ABHD2: variants seen among roughly 807,000 people sequenced by gnomAD.
ABHD2 encodes abhydrolase domain containing 2, acylglycerol lipase, also known as monoacylglycerol lipase ABHD2.
A neutral mutation model predicts 48.1 loss-of-function variants in ABHD2; 20 were observed. The ratio of observed to expected loss-of-function variants is 0.42; its 90% CI spans 0.29 to 0.60. The LOEUF (loss-of-function observed/expected upper bound fraction) is 0.60. Ranked by LOEUF, ABHD2 falls within the 20% of genes least tolerant of loss-of-function variation. ABHD2 has a pLI of 0.24. For missense variants in ABHD2, 405 were observed against 550.9 expected (o/e 0.74, Z 2.65); for synonymous variants, 209 against 214.2 (o/e 0.98, Z 0.21).
chr15:89,151,115 C>T lies in ABHD2; in HGVS notation c.195-562C>T, dbSNP rs1358955307. On this transcript the variant is annotated intron_variant, in intron 3 of 10. Transcript: ENST00000352732. The surrounding 1 kb of genome is among the most constrained non-coding windows in gnomAD (Gnocchi z 4.7). ...CACTGCACTGCCCTTACAGCATATT[C>T]TCTGGAGCATAGAGTAGTGCCCTCA... is the stretch of plus-strand genomic sequence containing the variant. Among the ~76,000 whole-genome samples, 1 of 152,220 alleles carries T rather than the reference C, an allele frequency of 6.6e-6. No homozygotes were observed. Among genetic ancestry groups the T allele is most frequent in the Non-Finnish European group, 1.5e-5 (1 of 68,044 alleles).
the ABHD2 span, among the ~76,000 whole-genome samples, chr15:89,048,950 G>C: frequency 2.0e-5 from 3 of 149,072 alleles, no homozygotes; most frequent in African/African-American, 7.6e-5. Flanking sequence ...CTTTGGAGGA[G>C]GTGAGGCGCT....
chr15:89,049,173 TG>T, the ABHD2 span, among the ~76,000 whole-genome samples: 1 of 152,160 alleles, frequency 6.6e-6, no homozygotes, highest in Non-Finnish European at 1.5e-5. Flanking sequence ...CTGCCCCTGC[TG>T]GGGGGTGCCT....
intron 5 of ABHD2, among the ~76,000 whole-genome samples, chr15:89,169,687 C>A (rs1014312594): frequency 6.6e-6 from 1 of 152,178 alleles, no homozygotes; most frequent in Non-Finnish European, 1.5e-5. Context: ...AACCATTGCT[C>A]CAGCATGAGT....
Position 89,155,467 on chromosome 15 carries a change from C to G in ABHD2, c.471C>G (p.Cys157Trp), listed in dbSNP as rs559362885. Residue 157 changes from cysteine (C) to tryptophan (W), a missense_variant, in exon 5 of 11, where the codon TGC becomes TGG. Transcript: ENST00000352732. The surrounding 1 kb of genome is among the most constrained non-coding windows in gnomAD (Gnocchi z 4.9). ...VDYAQKNGYR[C>W]AVLNHLGALP... ...ACGCCCAGAAAAATGGCTATCGGTG[C>G]GCCGTGCTGAACCACCTGGGTGCCC... 1.2e-6 allele frequency: 2 copies of G among 1,614,134 alleles called. No individual in the cohort carries two copies. Among genetic ancestry groups the G allele is most frequent in the Non-Finnish European group, 1.7e-6 (2 of 1,180,008 alleles).
rs1266945195 is a variant in ABHD2 at position 89,175,425 on chromosome 15, C to A, written c.539-387C>A. On this transcript the variant is annotated intron_variant, in intron 5 of 10. Transcript: ENST00000352732. The surrounding 1 kb of genome is among the most constrained non-coding windows in gnomAD (Gnocchi z 5.7). ...CACCATTTTGTCCAGGCTGGCCTAG[C>A]TTTTATTTAGGTCTGTGTGTGAGCA... 6.6e-6 allele frequency among the ~76,000 whole-genome samples: 1 copy of A among 152,138 alleles called. No homozygotes were observed. Among genetic ancestry groups the A allele is most frequent in the Non-Finnish European group, 1.5e-5 (1 of 68,018 alleles).
chr15:89,107,945 T>G (rs2049812779), intron 1 of ABHD2, among the ~76,000 whole-genome samples: 1 of 152,226 alleles, frequency 6.6e-6, no homozygotes, highest in African/African-American at 2.4e-5. Flanking sequence ...AAAGGATGGT[T>G]CTGATAGCTG....
At chr15:89,058,128 C>T in the ABHD2 span, among the ~76,000 whole-genome samples, 1 of 152,160 alleles carries the variant, frequency 6.6e-6, no homozygotes, top group Admixed American at 6.5e-5. Context: ...AGGTAGATAC[C>T]TTCATAACCA....
chr15:89,201,352 G>A lies in ABHD2; in HGVS notation c.*5929G>A, dbSNP rs755375705. 50 of 1,041,012 alleles carry A rather than the reference G, an allele frequency of 4.8e-5. No homozygotes were observed. The highest frequency in any genetic ancestry group is 6.8e-5 in the Non-Finnish European group (46 of 673,206). The allele number at this position is 1,041,012 out of a possible 1,614,324, so 64.5% of individuals were successfully genotyped here. A position where few individuals can be genotyped will look rare whatever the true frequency, so the allele number is the denominator to read the frequency against. On this transcript the variant is annotated 3_prime_UTR_variant, in exon 11 of 11. Transcript: ENST00000352732. Reference sequence around the variant, plus strand: ...CACTGTGTGGTTGTGGCGTGGGCCCGTCTTGCTTAGATGCATTCAGTGGGA... The same window carrying A: ...CACTGTGTGGTTGTGGCGTGGGCCCATCTTGCTTAGATGCATTCAGTGGGA...
the ABHD2 span, among the ~76,000 whole-genome samples, chr15:89,062,347 C>T: frequency 4.1e-5 from 6 of 148,038 alleles, no homozygotes; most frequent in Non-Finnish European, 9.0e-5. Context: ...AATTGATTTT[C>T]GTTTGTTTTT....
chr15:89,155,428 C>T lies in ABHD2; in HGVS notation c.432C>T (p.Arg144=). The T allele has an allele frequency of 6.2e-7, 1 of 1,614,214 alleles. No homozygotes were observed. The highest frequency in any genetic ancestry group is 8.5e-7 in the Non-Finnish European group (1 of 1,180,038). ...IANHSEKQYI[R]TFVDYAQKNG... ...ATCACAGCGAGAAGCAATACATCCG[C>T]ACTTTCGTTGACTACGCCCAGAAAA... The change falls in exon 5 of 11, where the codon CGC becomes CGT. Residue 144 remains arginine, a synonymous_variant. Transcript: ENST00000352732. This position sits in a 1 kb window ranked among gnomAD's most constrained non-coding sequence, Gnocchi z 4.9.
At chr15:89,080,357 A>T in the ABHD2 span, among the ~76,000 whole-genome samples, 6,724 of 152,250 alleles carry the variant, frequency 0.044, 484 homozygotes, top group African/African-American at 0.15. Context: ...AAAAACAATG[A>T]AGATTTTGTT....
At chr15:89,080,428 G>C in the ABHD2 span, among the ~76,000 whole-genome samples, 1 of 152,224 alleles carries the variant, frequency 6.6e-6, no homozygotes, top group African/African-American at 2.4e-5. Context: ...CTGTAGACCA[G>C]CTAGAAGTGT....
chr15:89,135,821 G>A, intron 3 of ABHD2: 1 of 766,110 alleles, frequency 1.3e-6, no homozygotes. Flanking sequence ...CAGGCCAGAT[G>A]TTCTCCTTTG....
At chr15:89,127,724 T>TATATATATATATATATATAC (rs1567080086) in intron 3 of ABHD2, among the ~76,000 whole-genome samples, 7 of 70,714 alleles carry the variant, frequency 9.9e-5, no homozygotes, top group African/African-American at 3.4e-4. Context: ...TATATACACA[T>TATATATATATATATATATAC]ATATATATAT....
intron 3 of ABHD2, chr15:89,135,582 ATC>A (rs2050295358): frequency 6.6e-7 from 1 of 1,520,208 alleles, no homozygotes; most frequent in South Asian, 1.2e-5. Flanking sequence ...CCTCATTCTT[ATC>A]CTCTTCATCT....
chr15:89,048,257 C>A, the ABHD2 span, among the ~76,000 whole-genome samples: 10 of 152,044 alleles, frequency 6.6e-5, no homozygotes, highest in African/African-American at 2.4e-4. Flanking sequence ...AGAGTTTCTG[C>A]CGAGAGATCC....
chr15:89,160,836 G>A lies in ABHD2; in HGVS notation c.538+5302G>A, dbSNP rs141915796. On this transcript the variant is annotated intron_variant, in intron 5 of 10. Coordinates refer to ENST00000352732, the MANE Select transcript of ABHD2 (RefSeq NM_152924.5). ...CTTTATTGGTCAAAGTACAGTACAC[G>A]ACCAAGCCTAACTTCAGTGGGGTGG... Among the ~76,000 whole-genome samples, 673 of 152,254 alleles carry A rather than the reference G, an allele frequency of 4.4e-3. 7 individuals are homozygous for A. The highest frequency in any genetic ancestry group is 0.015 in the African/African-American group (630 of 41,564).
intron 6 of ABHD2, among the ~76,000 whole-genome samples, chr15:89,178,315 A>G (rs993956845): frequency 6.6e-6 from 1 of 152,198 alleles, no homozygotes; most frequent in African/African-American, 2.4e-5. Context: ...ACAGTTCCTT[A>G]CTTTAAACCA....
In ABHD2 at chr15:89,197,461, A is replaced by C. The variant is rs902765332; in HGVS notation, c.*2038A>C. 1.3e-5 allele frequency: 2 copies of C among 152,606 alleles called. No individual in the cohort carries two copies. The highest frequency in any genetic ancestry group is 4.8e-5 in the African/African-American group (2 of 41,434). 9.5% of individuals were successfully genotyped at this position (152,606 alleles called of 1,614,324 possible). ...GCTGTGATCTAGAACATTCATAGTC[A>C]TATTTCTGCTACTACTACCTTCATT... On this transcript the variant is annotated 3_prime_UTR_variant, in exon 11 of 11. Transcript: ENST00000352732. This position sits in a 1 kb window ranked among gnomAD's most constrained non-coding sequence, Gnocchi z 4.4.
Sources: allele counts gnomAD v4.1 joint callset (sites outside exome capture counted in the v4.1 genomes callset), GRCh38; gene constraint gnomAD v4.1.1; non-coding constraint Gnocchi (gnomAD v3.1); transcripts MANE v1.5; gene names NCBI Gene and HGNC (gene_info 2026-07-23, HGNC 2026-07-21).